Variants in CEP89 observed in about 807,000 individuals in gnomAD.
CEP89 encodes centrosomal protein of 89 kDa.
A neutral mutation model predicts 97.6 loss-of-function variants in CEP89; 95 were observed. That is an observed-to-expected ratio of 0.97 (90% CI 0.82 to 1.15). The LOEUF is 1.15. Ranked by LOEUF, CEP89 falls within the 50% of genes most tolerant of loss-of-function variation. The probability of loss-of-function intolerance (pLI) is 0.00; values close to 1 mark genes in which losing one functional copy is unlikely to be tolerated. For missense variants in CEP89, 869 were observed against 947.7 expected (o/e 0.92, Z 1.09); for synonymous variants, 354 against 349.1 (o/e 1.01, Z -0.16).
chr19:32,969,706 G>A (rs1416533839), intron 1 of CEP89: 1 of 152,432 alleles, frequency 6.6e-6, no homozygotes, highest in East Asian at 1.9e-4. Context: ...CAACTTGGAA[G>A]AGGCAGGGCT....
At chr19:32,959,223 C>T (rs1407836496) in intron 3 of CEP89, among the ~76,000 whole-genome samples, 1 of 151,968 alleles carries the variant, frequency 6.6e-6, no homozygotes, top group East Asian at 1.9e-4. Flanking sequence ...CCCCATCTCG[C>T]ATCCCAAACA....
Position 32,953,152 on chromosome 19 carries a change from G to A in CEP89, c.492+463C>T, listed in dbSNP as rs537099066. On this transcript the variant is annotated intron_variant, in intron 4 of 18. Coordinates refer to ENST00000305768, the MANE Select transcript of CEP89 (RefSeq NM_032816.5). ...AGGGCAATGAAGGGAATTCCTCAGC[G>A]AGTCAGTGGGGGTCAGCTAAGATAA... Among the ~76,000 whole-genome samples the A allele has an allele frequency of 4.4e-4, 67 of 151,108 alleles. 1 individual carries two copies. In the South Asian group the frequency reaches 0.013, roughly 30 times the overall value.
intron 12 of CEP89, among the ~76,000 whole-genome samples, chr19:32,921,273 T>G (rs1970243464): frequency 6.6e-6 from 1 of 150,560 alleles, no homozygotes; most frequent in Admixed American, 6.6e-5. Flanking sequence ...AAGTGTGAAG[T>G]CCGTGTACCG....
intron 15 of CEP89, among the ~76,000 whole-genome samples, chr19:32,901,011 G>T (rs958246911): frequency 6.7e-6 from 1 of 149,992 alleles, no homozygotes; most frequent in Non-Finnish European, 1.5e-5. Context: ...TCAGCCTCCC[G>T]AGTAGCTGGG....
In CEP89 at chr19:32,881,866, C is replaced by G. The variant is rs770967835; in HGVS notation, c.2113G>C (p.Asp705His). 1.9e-6 allele frequency: 3 copies of G among 1,604,538 alleles called. No homozygotes were observed. The highest frequency in any genetic ancestry group is 2.2e-5 in the East Asian group (1 of 44,822). The change falls in exon 18 of 19, where the codon GAC becomes CAC. Residue 705 changes from aspartate to histidine, a missense_variant. Physicochemically the swap from Asp to His is moderately conservative, Grantham distance 81. Coordinates refer to ENST00000305768, the MANE Select transcript of CEP89 (RefSeq NM_032816.5). ...CACCTGTTCTGCTGCAGCGCCTGGT[C>G]CAGCACCTCCTGCTTGTCCTTCAGC... Reference protein sequence around the residue: ...QVLKDKQEVLDQALQQNREME... With the variant: ...QVLKDKQEVLHQALQQNREME...
At position 32,890,353 on chromosome 19, in the gene CEP89, T is replaced by C. The variant is rs1228637593; in HGVS notation, c.1876-2512A>G. On this transcript the variant is annotated intron_variant, in intron 16 of 18. Transcript: ENST00000305768. The stretch of plus-strand genomic sequence containing the variant: ...AGGCGGAGGTTGCAGTGAGCCAAGA[T>C]TGTGCCACTGCACTTCAGCCTGGGT... 2.0e-5 allele frequency among the ~76,000 whole-genome samples: 3 copies of C among 152,126 alleles called. No individual in the cohort carries two copies. In the South Asian group the frequency reaches 6.2e-4, roughly 32 times the overall value.
chr19:32,943,797 G>A (rs578015420), intron 5 of CEP89, among the ~76,000 whole-genome samples: 31 of 152,092 alleles, frequency 2.0e-4, no homozygotes, highest in Non-Finnish European at 4.4e-4. Context: ...GTCAGCAGGG[G>A]CTGGCAGGCC....
chr19:32,971,099 G>A (rs1373784860), intron 1 of CEP89: 1 of 165,274 alleles, frequency 6.1e-6, no homozygotes, highest in Non-Finnish European at 1.3e-5. Flanking sequence ...GGAAGGGCGA[G>A]AGTGGAAGCA....
chr19:32,915,849 C>T lies in CEP89; in HGVS notation c.1385-332G>A, dbSNP rs1001314661. Reference sequence around the variant, plus strand: ...CAGAGAATCACTTGAACCCAGGAGGCGAGAAGGCTCAGTGAGCTGAGATCA... The same window carrying T: ...CAGAGAATCACTTGAACCCAGGAGGTGAGAAGGCTCAGTGAGCTGAGATCA... On this transcript the variant is annotated intron_variant, in intron 13 of 18. Transcript: ENST00000305768. 2.7e-5 allele frequency among the ~76,000 whole-genome samples: 4 copies of T among 146,156 alleles called. No homozygotes were observed. In the South Asian group the frequency reaches 6.4e-4, roughly 23 times the overall value.
intron 17 of CEP89, among the ~76,000 whole-genome samples, chr19:32,885,978 T>A (rs577899355): frequency 6.6e-6 from 1 of 152,296 alleles, no homozygotes; most frequent in African/African-American, 2.4e-5. Context: ...CGCTTCTCTG[T>A]CCCTTCTATT....
chr19:32,899,734 C>A, intron 16 of CEP89, 123 bp downstream of exon 16: 1 of 883,310 alleles, frequency 1.1e-6, no homozygotes, highest in Non-Finnish European at 1.7e-6. Context: ...TAGGTGGAAC[C>A]ATCCATCGTA....
At chr19:32,923,607 G>GT (rs1970297576) in intron 11 of CEP89, 65 bp from the exon 12 acceptor site, 1 of 1,041,596 alleles carries the variant, frequency 9.6e-7, no homozygotes, top group South Asian at 1.3e-5. Flanking sequence ...CTCAGTTCTG[G>GT]TGCTGCTGCT....
At chr19:32,918,523 C>T (rs770303118) in intron 12 of CEP89, among the ~76,000 whole-genome samples, 184 bp from the exon 13 acceptor site, 5 of 152,120 alleles carry the variant, frequency 3.3e-5, no homozygotes, top group Admixed American at 6.5e-5. Flanking sequence ...GAAGGACAGC[C>T]GTGAAGTCTG....
chr19:32,956,926 T>A (rs1394279432), intron 3 of CEP89, among the ~76,000 whole-genome samples: 1 of 152,204 alleles, frequency 6.6e-6, no homozygotes, highest in Non-Finnish European at 1.5e-5. Context: ...GTATAGTCCT[T>A]CATTCATTAG....
At chr19:32,882,277 T>C (rs1969300081) in intron 17 of CEP89, among the ~76,000 whole-genome samples, 1 of 152,122 alleles carries the variant, frequency 6.6e-6, no homozygotes, top group African/African-American at 2.4e-5. Context: ...ACATAAAATA[T>C]CACCATTGGA....
intron 14 of CEP89, among the ~76,000 whole-genome samples, chr19:32,910,886 C>G (rs930328713): frequency 6.6e-6 from 1 of 152,144 alleles, no homozygotes; most frequent in Non-Finnish European, 1.5e-5. Context: ...CCCGCCTGAG[C>G]CTGTTTTACA....
Position 32,915,356 on chromosome 19 carries a change from T to C in CEP89, c.1546A>G (p.Ile516Val). 1 of 1,599,558 alleles carries C rather than the reference T, an allele frequency of 6.3e-7. No individual in the cohort carries two copies. Residue 516 changes from isoleucine (I) to valine (V), a missense_variant, in exon 14 of 19, where the codon ATT (isoleucine) becomes GTT (valine). Coordinates refer to ENST00000305768, the MANE Select transcript of CEP89 (RefSeq NM_032816.5). ...GKIAVEVHKS[I>V]VNELKSQLQK... ...CCTTACCTTTTTAATTCATTCACAATTGATTTATGAACTTCCACTGCGATT... is the reference window on the plus strand; with the variant it reads ...CCTTACCTTTTTAATTCATTCACAACTGATTTATGAACTTCCACTGCGATT...
chr19:32,911,793 A>G (rs1021093732), intron 14 of CEP89, among the ~76,000 whole-genome samples: 3 of 152,192 alleles, frequency 2.0e-5, no homozygotes, highest in African/African-American at 7.2e-5. Context: ...CCCCACACCA[A>G]TGCTATGGAG....
rs202084887 is a variant in CEP89 at position 32,879,193 on chromosome 19, T to C, written c.2321A>G (p.Tyr774Cys). Residue 774 changes from tyrosine (Y) to cysteine (C), a missense_variant, in exon 19 of 19, where the codon TAT (tyrosine) becomes TGT (cysteine). Coordinates refer to ENST00000305768, the MANE Select transcript of CEP89 (RefSeq NM_032816.5). ...GGTGGGGGCATGAGACTTCAGGTCA[T>C]AGGAGCAGACATCGCAGCCGTCCAG... is the stretch of plus-strand genomic sequence containing the variant. ...DLLDGCDVCS[Y>C]DLKSHAPTC 41 of 1,613,804 alleles carry C rather than the reference T, an allele frequency of 2.5e-5. No homozygotes were observed. Among genetic ancestry groups the C allele is most frequent in the Middle Eastern group, 1.7e-4 (1 of 6,054 alleles).
Sources: gnomAD v4.1 joint callset for allele counts (sites outside exome capture counted in the v4.1 genomes callset) on GRCh38, gnomAD v4.1.1 for gene constraint, MANE v1.5 for transcripts, NCBI Gene and HGNC (gene_info 2026-07-23, HGNC 2026-07-21) for gene names.